Variants in CFAP61 observed in about 807,000 individuals in gnomAD.
The protein encoded by CFAP61 is cilia and flagella associated protein 61.
CFAP61 carries 107 observed loss-of-function variants against 135.6 expected under a neutral mutation model. The observed-to-expected ratio is 0.79, with a 90% confidence interval of 0.67 to 0.93. CFAP61 has a LOEUF of 0.93. Ranked by LOEUF, CFAP61 falls within the 40% of genes least tolerant of loss-of-function variation. The probability of loss-of-function intolerance (pLI) is 0.00; values close to 1 mark genes in which losing one functional copy is unlikely to be tolerated. For missense variants in CFAP61, 1,507 were observed against 1,556.2 expected (o/e 0.97, Z 0.53); for synonymous variants, 575 against 578.5 (o/e 0.99, Z 0.09).
At chr20:20,061,714 T>G (rs1467389241) in intron 2 of CFAP61, among the ~76,000 whole-genome samples, 1 of 152,218 alleles carries the variant, frequency 6.6e-6, no homozygotes, top group Non-Finnish European at 1.5e-5. Flanking sequence ...CGCCTCCCTG[T>G]GTTCCCCATG....
intron 21 of CFAP61, among the ~76,000 whole-genome samples, chr20:20,271,067 G>A (rs2053308832): frequency 6.6e-6 from 1 of 152,162 alleles, no homozygotes; most frequent in Non-Finnish European, 1.5e-5. Context: ...CAAGGTGAGA[G>A]GATCACTTGA....
At chr20:20,085,253 G>A (rs953284171) in intron 6 of CFAP61, 11 of 985,312 alleles carry the variant, frequency 1.1e-5, no homozygotes, top group African/African-American at 1.0e-4. Flanking sequence ...GAACAGTCAC[G>A]TTGAAACATT....
chr20:20,358,149 C>T (rs1282946432), intron 26 of CFAP61, among the ~76,000 whole-genome samples: 2 of 136,274 alleles, frequency 1.5e-5, no homozygotes, highest in African/African-American at 5.7e-5. Flanking sequence ...AGGAGGTGGT[C>T]ACACTGAGGG....
intron 19 of CFAP61, among the ~76,000 whole-genome samples, chr20:20,247,808 G>A (rs1191370017): frequency 1.3e-5 from 2 of 152,100 alleles, no homozygotes; most frequent in African/African-American, 2.4e-5. Context: ...TCCCCACCTT[G>A]AGGTCTCTGC....
At chr20:20,356,142 A>G (rs1173104303) in intron 26 of CFAP61, among the ~76,000 whole-genome samples, 2 of 80,554 alleles carry the variant, frequency 2.5e-5, no homozygotes, top group African/African-American at 4.7e-5. Context: ...CACTGAGAGG[A>G]GGTGGTCACA....
chr20:20,165,939 GA>G (rs1435373270), intron 11 of CFAP61, among the ~76,000 whole-genome samples: 1 of 152,158 alleles, frequency 6.6e-6, no homozygotes, highest in Non-Finnish European at 1.5e-5. Flanking sequence ...ATTTAAATAT[GA>G]TTGTGCTTAG....
At chr20:20,139,783 A>G (rs918524706) in intron 8 of CFAP61, among the ~76,000 whole-genome samples, 2 of 152,194 alleles carry the variant, frequency 1.3e-5, no homozygotes, top group African/African-American at 4.8e-5. Flanking sequence ...TCTCATGAAC[A>G]TTAGACCATT....
chr20:20,069,163 T>A (rs2045529581), intron 2 of CFAP61, among the ~76,000 whole-genome samples: 1 of 152,194 alleles, frequency 6.6e-6, no homozygotes, highest in Non-Finnish European at 1.5e-5. Flanking sequence ...AGGAAGCGCA[T>A]GTGTGTGAGA....
chr20:20,192,533 T>C (rs2055995738), intron 15 of CFAP61, among the ~76,000 whole-genome samples: 1 of 152,104 alleles, frequency 6.6e-6, no homozygotes, highest in Non-Finnish European at 1.5e-5. Flanking sequence ...CATGATACTC[T>C]TTTGGATTCC....
At position 20,098,697 on chromosome 20, in the gene CFAP61, G is replaced by A. The variant is rs201612127; in HGVS notation, c.742G>A (p.Val248Met). ...TGGGTTCATGAGTGTGTGCTCAAGA[G>A]TGAACATGCAACTGCTGCATGAGTG... ...AVGFMSVCSR[V>M]NMQLLHECFD... Residue 248 changes from valine to methionine, a missense_variant, in exon 8 of 27, where the codon GTG becomes ATG. Transcript: ENST00000245957. The A allele has an allele frequency of 5.9e-5, 95 of 1,613,168 alleles. No individual in the cohort carries two copies. The highest frequency in any genetic ancestry group is 7.9e-5 in the Non-Finnish European group (93 of 1,179,782).
intron 8 of CFAP61, among the ~76,000 whole-genome samples, chr20:20,108,403 A>T (rs1600693955): frequency 6.6e-6 from 1 of 152,280 alleles, no homozygotes; most frequent in East Asian, 1.9e-4. Context: ...AAATGTAAAA[A>T]CCCCAAGTCT....
intron 24 of CFAP61, among the ~76,000 whole-genome samples, chr20:20,293,214 T>C (rs1002870824): frequency 8.5e-5 from 13 of 152,170 alleles, no homozygotes; most frequent in African/African-American, 3.1e-4. Flanking sequence ...ATCGTTTATT[T>C]ATGAGCCACC....
intron 13 of CFAP61, among the ~76,000 whole-genome samples, chr20:20,186,393 A>G (rs2146863111): frequency 6.6e-6 from 1 of 152,312 alleles, no homozygotes; most frequent in African/African-American, 2.4e-5. Context: ...TGTTGTATGT[A>G]TCAATCATAC....
At chr20:20,357,890 T>C (rs199984481) in intron 26 of CFAP61, among the ~76,000 whole-genome samples, 50 of 74,384 alleles carry the variant, frequency 6.7e-4, no homozygotes, top group Admixed American at 7.4e-4. Flanking sequence ...GAGGTGGTCA[T>C]AGTGTGAGGG....
In CFAP61 at chr20:20,196,755, C is replaced by G; in HGVS notation, c.1776C>G (p.Tyr592Ter). 6.2e-7 allele frequency: 1 copy of G among 1,614,168 alleles called. No individual in the cohort carries two copies. The highest frequency in any genetic ancestry group is 8.5e-7 in the Non-Finnish European group (1 of 1,180,012). The change falls in exon 16 of 27, where the codon TAC (tyrosine) becomes TAG (stop). Residue 592 changes from tyrosine (Y) to a stop codon, truncating the protein, a stop_gained. Transcript: ENST00000245957. LOFTEE classifies it high-confidence loss of function. ...GFKSCLYYRVYPKSREGKFQN... is the reference protein window; with the variant it reads ...GFKSCLYYRV ...AATCCTGTCTCTACTACCGTGTTTA[C>G]CCAAAATCCAGAGAAGGCAAGGTAA... is the stretch of plus-strand genomic sequence containing the variant.
intron 25 of CFAP61, among the ~76,000 whole-genome samples, chr20:20,321,029 G>A (rs1457527522): frequency 1.3e-5 from 2 of 150,946 alleles, no homozygotes; most frequent in Admixed American, 6.6e-5. Context: ...ACAAAAATAG[G>A]GCAGTTATTA....
chr20:20,353,849 AG>A (rs1359270166), intron 26 of CFAP61, among the ~76,000 whole-genome samples: 1 of 152,196 alleles, frequency 6.6e-6, no homozygotes, highest in Non-Finnish European at 1.5e-5. Context: ...TGTGGAGAAA[AG>A]GGAATTCTTG....
chr20:20,157,627 CAT>C (rs1373264751), intron 9 of CFAP61, among the ~76,000 whole-genome samples: 5 of 152,240 alleles, frequency 3.3e-5, no homozygotes, highest in African/African-American at 1.2e-4. Flanking sequence ...GCAAATGAAT[CAT>C]AGACTTGAAT....
chr20:20,218,391 C>T (rs2048179280), intron 17 of CFAP61, among the ~76,000 whole-genome samples: 2 of 152,166 alleles, frequency 1.3e-5, no homozygotes, highest in East Asian at 1.9e-4. Context: ...TGAGACCTTC[C>T]CCAGCCACGT....
Sources: allele counts gnomAD v4.1 joint callset (sites outside exome capture counted in the v4.1 genomes callset), GRCh38; gene constraint gnomAD v4.1.1; transcripts MANE v1.5; gene names NCBI Gene and HGNC (gene_info 2026-07-23, HGNC 2026-07-21).